The following NBEA variants were observed in gnomAD, a reference collection of about 807,000 sequenced individuals.
The protein encoded by NBEA is lysosomal-trafficking regulator 2.
A neutral mutation model predicts 343.4 loss-of-function variants in NBEA; 44 were observed. That is an observed-to-expected ratio of 0.13 (90% CI 0.10 to 0.16). The LOEUF (loss-of-function observed/expected upper bound fraction) is 0.16. NBEA is among the 10% of genes least tolerant of loss of function. NBEA has a pLI of 1.00. For missense variants in NBEA, 2,555 were observed against 3,631.3 expected (o/e 0.70, Z 7.62); for synonymous variants, 1,175 against 1,238.7 (o/e 0.95, Z 1.08).
chr13:34,983,031 T>C (rs944482739), intron 1 of NBEA, among the ~76,000 whole-genome samples: 3 of 152,192 alleles, frequency 2.0e-5, no homozygotes, highest in Non-Finnish European at 4.4e-5. Flanking sequence ...ATTATTATTA[T>C]TATTTTATAC....
At chr13:35,050,936 CAAAT>C (rs999522886) in intron 6 of NBEA, among the ~76,000 whole-genome samples, 11 of 151,998 alleles carry the variant, frequency 7.2e-5, no homozygotes, top group African/African-American at 2.7e-4. Context: ...CTTAATATCT[CAAAT>C]AATAGCAGAG....
chr13:35,499,453 G>C (rs2076805414), intron 41 of NBEA, among the ~76,000 whole-genome samples: 1 of 152,034 alleles, frequency 6.6e-6, no homozygotes, highest in African/African-American at 2.4e-5. Flanking sequence ...AAGCTCTCTT[G>C]ATCATGTTCA....
chr13:35,301,592 T>C (rs1027738625), intron 35 of NBEA, among the ~76,000 whole-genome samples: 4 of 152,202 alleles, frequency 2.6e-5, no homozygotes, highest in African/African-American at 9.7e-5. Flanking sequence ...CTATCATTGA[T>C]GGGCATTTGG....
intron 49 of NBEA, among the ~76,000 whole-genome samples, chr13:35,633,691 G>A (rs7327248): frequency 0.48 from 73,091 of 151,606 alleles, 18,313 homozygotes; most frequent in African/African-American, 0.61. Context: ...CCTAATTCAT[G>A]GGAGAAAAAT....
chr13:34,979,032 G>A lies in NBEA; in HGVS notation c.294+35918G>A, dbSNP rs571725043. Among the ~76,000 whole-genome samples, 4 of 152,278 alleles carry A rather than the reference G, an allele frequency of 2.6e-5. No homozygotes were observed. The East Asian group carries it at 7.7e-4, about 29-fold the overall frequency. On this transcript the variant is annotated intron_variant, in intron 1 of 58. Coordinates refer to ENST00000379939, the MANE Select transcript of NBEA (RefSeq NM_001385012.1). Reference sequence around the variant, plus strand: ...GGCATATGCTTGGTTTTAGAAACCTGACAGACCATTTTATTAAGTGATTAA... The same window carrying A: ...GGCATATGCTTGGTTTTAGAAACCTAACAGACCATTTTATTAAGTGATTAA...
intron 41 of NBEA, among the ~76,000 whole-genome samples, chr13:35,543,519 G>T (rs2078927207): frequency 6.6e-6 from 1 of 152,048 alleles, no homozygotes; most frequent in Non-Finnish European, 1.5e-5. Context: ...CATCTGACTT[G>T]CAAAAGGATT....
At chr13:35,173,351 A>T (rs1325099066) in intron 26 of NBEA, 113 bp from the exon 27 acceptor site, 9 of 921,130 alleles carry the variant, frequency 9.8e-6, no homozygotes, top group Non-Finnish European at 1.2e-5. Flanking sequence ...TTTAAGATTA[A>T]TAGTTTATGA....
At chr13:35,008,494 G>T (rs528801040) in intron 1 of NBEA, among the ~76,000 whole-genome samples, 103 of 152,180 alleles carry the variant, frequency 6.8e-4, no homozygotes, top group Non-Finnish European at 1.3e-3. Flanking sequence ...AAATGTTTGT[G>T]TATGTTCATT....
chr13:35,185,073 G>A (rs1038122339), intron 30 of NBEA, among the ~76,000 whole-genome samples: 5 of 152,148 alleles, frequency 3.3e-5, no homozygotes, highest in Admixed American at 2.6e-4. Flanking sequence ...GGAAGTCCGA[G>A]AGACTTGAAA....
intron 30 of NBEA, chr13:35,185,841 A>G (rs1052596810): frequency 2.0e-5 from 3 of 152,154 alleles, no homozygotes; most frequent in Non-Finnish European, 4.4e-5. Context: ...CTGTTATTGC[A>G]TGCTGTAGTG....
intron 16 of NBEA, among the ~76,000 whole-genome samples, chr13:35,119,155 C>T (rs1463637703): frequency 6.6e-6 from 1 of 152,150 alleles, no homozygotes; most frequent in African/African-American, 2.4e-5. Flanking sequence ...TGAAATGTAA[C>T]TTGGTAGATA....
intron 36 of NBEA, among the ~76,000 whole-genome samples, chr13:35,328,832 G>A (rs942409170): frequency 9.3e-5 from 14 of 150,660 alleles, no homozygotes; most frequent in African/African-American, 2.9e-4. Flanking sequence ...GTGAAAATAC[G>A]CAGGGCCTAA....
chr13:35,547,824 G>T (rs1213213188), intron 41 of NBEA, among the ~76,000 whole-genome samples: 1 of 152,104 alleles, frequency 6.6e-6, no homozygotes, highest in African/African-American at 2.4e-5. Context: ...AGGAGGTGGA[G>T]GTCGCAGTGA....
At chr13:35,408,538 C>G (rs1176184190) in intron 38 of NBEA, among the ~76,000 whole-genome samples, 1 of 152,070 alleles carries the variant, frequency 6.6e-6, no homozygotes, top group East Asian at 1.9e-4. Context: ...TTCTGCACAG[C>G]AGAAGAAAAT....
Position 35,671,202 on chromosome 13 carries a change from T to A in NBEA, c.*211T>A. On this transcript the variant is annotated 3_prime_UTR_variant, in exon 59 of 59. Transcript: ENST00000379939. ...CCAGCTGCTATCAAGCAAGCTTATA[T>A]CATGTAAATTATATGAATTAGGAGA... The A allele has an allele frequency of 2.1e-6, 1 of 476,862 alleles. No individual in the cohort carries two copies. Among genetic ancestry groups the A allele is most frequent in the Non-Finnish European group, 3.8e-6 (1 of 264,722 alleles). The allele number at this position is 476,862 out of a possible 1,614,324, so 29.5% of individuals were successfully genotyped here. A position where few individuals can be genotyped will look rare whatever the true frequency, so the allele number is the denominator to read the frequency against.
At chr13:35,550,079 G>T (rs905732598) in intron 41 of NBEA, among the ~76,000 whole-genome samples, 2 of 152,084 alleles carry the variant, frequency 1.3e-5, no homozygotes, top group African/African-American at 4.8e-5. Context: ...ATGATCCTTT[G>T]CCTGGGGTTG....
intron 48 of NBEA, among the ~76,000 whole-genome samples, chr13:35,613,246 C>T (rs565302353): frequency 2.0e-5 from 3 of 150,920 alleles, no homozygotes; most frequent in Non-Finnish European, 4.4e-5. Flanking sequence ...CTACTCACTA[C>T]TTCTATGAGT....
At position 35,567,025 on chromosome 13, in the gene NBEA, T is replaced by A; in HGVS notation, c.7035+8T>A. On this transcript the variant is annotated splice_region_variant and intron_variant, in intron 45 of 58. Coordinates refer to ENST00000379939, the MANE Select transcript of NBEA (RefSeq NM_001385012.1). ...TTCAGGGATCTATCAAAGGTAACTTTTAAATATATAGAAGTCAGCTTTCTT... is the reference window on the plus strand; with the variant it reads ...TTCAGGGATCTATCAAAGGTAACTTATAAATATATAGAAGTCAGCTTTCTT... 6.7e-7 allele frequency: 1 copy of A among 1,484,722 alleles called. No homozygotes were observed. Among genetic ancestry groups the A allele is most frequent in the Non-Finnish European group, 9.4e-7 (1 of 1,064,804 alleles). 92.0% of individuals were successfully genotyped at this position (1,484,722 alleles called of 1,614,324 possible).
chr13:35,641,676 TA>T (rs1413283876), intron 49 of NBEA, among the ~76,000 whole-genome samples: 2 of 151,984 alleles, frequency 1.3e-5, no homozygotes, highest in African/African-American at 4.8e-5. Flanking sequence ...TGGGGCTAGA[TA>T]GGGGGAATAA....
Sources: allele counts gnomAD v4.1 joint callset (sites outside exome capture counted in the v4.1 genomes callset), GRCh38; gene constraint gnomAD v4.1.1; transcripts MANE v1.5; gene names NCBI Gene and HGNC (gene_info 2026-07-23, HGNC 2026-07-21).